The following WDR70 variants were observed in gnomAD, a reference collection of about 807,000 sequenced individuals.
WDR70 encodes WD repeat-containing protein 70.
A neutral mutation model predicts 88.6 loss-of-function variants in WDR70; 53 were observed. The ratio of observed to expected loss-of-function variants is 0.60; its 90% CI spans 0.48 to 0.75. The LOEUF is 0.75. Ranked by LOEUF, WDR70 falls within the 30% of genes least tolerant of loss-of-function variation. The pLI, the probability that WDR70 is intolerant of heterozygous loss-of-function variation, is 0.00. For synonymous variants in WDR70, 280 were observed against 270.0 expected, an observed-to-expected ratio of 1.04 and a Z score of -0.36; for missense variants, 610 against 823.2, an observed-to-expected ratio of 0.74 and a Z score of 3.17.
intron 7 of WDR70, among the ~76,000 whole-genome samples, chr5:37,448,737 C>CT (rs1344200577): frequency 2.9e-5 from 1 of 33,964 alleles, no homozygotes; most frequent in Non-Finnish European, 3.7e-4. Context: ...TTGGATTTCA[C>CT]TGTTTTTTTT....
intron 7 of WDR70, among the ~76,000 whole-genome samples, chr5:37,464,741 C>A (rs1739105194): frequency 6.6e-6 from 1 of 152,180 alleles, no homozygotes; most frequent in South Asian, 2.1e-4. Flanking sequence ...ATGGAAGATA[C>A]TGGGTGCTGC....
Position 37,479,430 on chromosome 5 carries a change from C to T in WDR70, c.687-404C>T, listed in dbSNP as rs1010411325. The T allele has an allele frequency of 4.3e-4, 65 of 151,402 alleles. 2 individuals carry two copies. Among genetic ancestry groups the T allele is most frequent in the Admixed American group, 2.6e-4 (4 of 15,196 alleles). The allele number at this position is 151,402 out of a possible 1,614,324, so 9.4% of individuals were successfully genotyped here. A position where few individuals can be genotyped will look rare whatever the true frequency, so the allele number is the denominator to read the frequency against. The stretch of plus-strand genomic sequence containing the variant: ...TGTTGCCCAGGCTGGAGTGCAATGA[C>T]GTGATCTTGGCTCACTGCAACTTCT... On this transcript the variant is annotated intron_variant, in intron 7 of 17. Coordinates refer to ENST00000265107, the MANE Select transcript of WDR70 (RefSeq NM_018034.4).
intron 6 of WDR70, among the ~76,000 whole-genome samples, chr5:37,440,946 T>C (rs1004157626): frequency 3.3e-5 from 5 of 152,220 alleles, no homozygotes; most frequent in Non-Finnish European, 7.3e-5. Flanking sequence ...AAATATTTAG[T>C]AGAGTTTGTA....
At chr5:37,602,968 C>A (rs1303369341) in intron 9 of WDR70, among the ~76,000 whole-genome samples, 1 of 151,646 alleles carries the variant, frequency 6.6e-6, no homozygotes, top group Non-Finnish European at 1.5e-5. Context: ...TAGAGCGAGA[C>A]TGTCTTAAAA....
intron 6 of WDR70, 117 bp downstream of exon 6, chr5:37,438,098 G>C: frequency 1.3e-6 from 1 of 779,396 alleles, no homozygotes; most frequent in Non-Finnish European, 1.9e-6. Flanking sequence ...TGACATAAAA[G>C]CTATAGACAT....
chr5:37,681,931 A>G (rs1487059370), intron 10 of WDR70, among the ~76,000 whole-genome samples: 3 of 152,106 alleles, frequency 2.0e-5, no homozygotes, highest in African/African-American at 7.2e-5. Context: ...TGTCAAGATG[A>G]TGCTGGCCTC....
chr5:37,580,864 C>T (rs1218001275), intron 9 of WDR70, among the ~76,000 whole-genome samples: 1 of 152,150 alleles, frequency 6.6e-6, no homozygotes, highest in East Asian at 1.9e-4. Context: ...TTTTCACACA[C>T]CTTACCTCAT....
At chr5:37,675,351 G>T (rs1746170280) in intron 10 of WDR70, among the ~76,000 whole-genome samples, 1 of 152,040 alleles carries the variant, frequency 6.6e-6, no homozygotes, top group South Asian at 2.1e-4. Context: ...TTCTTCTAGG[G>T]TTTTTATGGT....
intron 10 of WDR70, among the ~76,000 whole-genome samples, chr5:37,615,926 T>G (rs1006019911): frequency 1.3e-5 from 2 of 152,210 alleles, no homozygotes; most frequent in African/African-American, 4.8e-5. Flanking sequence ...CTTGTGATGC[T>G]GGCTATCCTC....
chr5:37,416,009 C>G (rs185142029), intron 5 of WDR70, among the ~76,000 whole-genome samples: 1,518 of 150,352 alleles, frequency 0.01, 75 homozygotes, highest in Admixed American at 0.085. Context: ...CTGGCAGAGA[C>G]GCTCCTCACT....
At chr5:37,712,899 A>G (rs772302776) in intron 13 of WDR70, among the ~76,000 whole-genome samples, 1 of 151,916 alleles carries the variant, frequency 6.6e-6, no homozygotes, top group Admixed American at 6.6e-5. Context: ...ACAGGGTTTC[A>G]CCACGTTGGC....
At chr5:37,728,144 T>C (rs1317289996) in intron 17 of WDR70, among the ~76,000 whole-genome samples, 3 of 151,800 alleles carry the variant, frequency 2.0e-5, no homozygotes, top group Non-Finnish European at 4.4e-5. Context: ...GATCAGGAGT[T>C]CAAGACCAGC....
At chr5:37,570,971 C>G (rs752118111) in intron 9 of WDR70, among the ~76,000 whole-genome samples, 53 of 151,998 alleles carry the variant, frequency 3.5e-4, no homozygotes, top group Non-Finnish European at 6.8e-4. Flanking sequence ...CATCTCTGTG[C>G]TCTGACAAGA....
At chr5:37,547,780 C>G (rs1451866241) in intron 9 of WDR70, among the ~76,000 whole-genome samples, 1 of 152,036 alleles carries the variant, frequency 6.6e-6, no homozygotes, top group Non-Finnish European at 1.5e-5. Context: ...TCATCCCTAC[C>G]TCCTCCCTAA....
chr5:37,484,420 C>T (rs533147581), intron 8 of WDR70, among the ~76,000 whole-genome samples: 119 of 152,248 alleles, frequency 7.8e-4, no homozygotes, highest in African/African-American at 2.6e-3. Flanking sequence ...TCAGGCGTGG[C>T]GGCGCGCGCC....
rs79018310 is a variant in WDR70 at position 37,720,083 on chromosome 5, G to T, written c.1417-1032G>T. On this transcript the variant is annotated intron_variant, in intron 13 of 17. Coordinates refer to ENST00000265107, the MANE Select transcript of WDR70 (RefSeq NM_018034.4). ...TCTTAACAAAAGAGTGGAATGAGTA[G>T]AGACAAGGAACCAAAGAAATTCAGC... is the stretch of plus-strand genomic sequence containing the variant. 1.6e-4 allele frequency among the ~76,000 whole-genome samples: 25 copies of T among 152,258 alleles called. No homozygotes were observed. In the East Asian group the frequency reaches 4.6e-3, roughly 28 times the overall value.
chr5:37,633,298 A>G (rs911928083), intron 10 of WDR70, among the ~76,000 whole-genome samples: 3 of 152,150 alleles, frequency 2.0e-5, no homozygotes, highest in Non-Finnish European at 2.9e-5. Flanking sequence ...TCAGAATTTT[A>G]TATCTGTTTC....
intron 9 of WDR70, among the ~76,000 whole-genome samples, chr5:37,527,633 G>T (rs775944615): frequency 6.6e-6 from 1 of 152,120 alleles, no homozygotes; most frequent in Non-Finnish European, 1.5e-5. Context: ...TTAACAAATG[G>T]GGTCTAAATA....
At chr5:37,573,857 C>T (rs1742980942) in intron 9 of WDR70, among the ~76,000 whole-genome samples, 1 of 152,114 alleles carries the variant, frequency 6.6e-6, no homozygotes, top group African/African-American at 2.4e-5. Flanking sequence ...GTTCTCTCTC[C>T]TTTCCTGGCT....
Sources: allele counts gnomAD v4.1 joint callset (sites outside exome capture counted in the v4.1 genomes callset), GRCh38; gene constraint gnomAD v4.1.1; transcripts MANE v1.5; gene names NCBI Gene and HGNC (gene_info 2026-07-23, HGNC 2026-07-21).